Variants in UGT1A7 observed in about 807,000 individuals in gnomAD.
UGT1A7 encodes UDP-glucuronosyltransferase 1A7.
A neutral mutation model predicts 45.6 loss-of-function variants in UGT1A7; 33 were observed. The observed-to-expected ratio is 0.72, with a 90% confidence interval of 0.55 to 0.97. The LOEUF (loss-of-function observed/expected upper bound fraction) is 0.97, where lower values mean the gene tolerates loss of function less well. Among genes scored for constraint, UGT1A7 ranks in the 50% least tolerant of loss-of-function variants. The pLI is 0.00. For missense variants in UGT1A7, 684 were observed against 666.2 expected (o/e 1.03, Z -0.29); for synonymous variants, 274 against 250.6 (o/e 1.09, Z -0.88).
At chr2:233,760,573 G>C (rs1208621089) in intron 1 of UGT1A7, 1 of 1,614,170 alleles carries the variant, frequency 6.2e-7, no homozygotes, top group Non-Finnish European at 8.5e-7. Flanking sequence ...TGTTAGTCTC[G>C]GGCATAATGT....
At chr2:233,745,702 A>T (rs1693179488) in intron 1 of UGT1A7, among the ~76,000 whole-genome samples, 1 of 150,000 alleles carries the variant, frequency 6.7e-6, no homozygotes, top group East Asian at 2.0e-4. Flanking sequence ...GAGAACAACA[A>T]GTGATCCAGA....
At chr2:233,725,539 A>G (rs980471563) in intron 1 of UGT1A7, among the ~76,000 whole-genome samples, 6 of 152,146 alleles carry the variant, frequency 3.9e-5, no homozygotes, top group African/African-American at 1.4e-4. Context: ...CAGACATATC[A>G]CAAATATTAT....
chr2:233,769,790 G>A lies in UGT1A7; in HGVS notation c.1295+1351G>A. On this transcript the variant is annotated intron_variant, in intron 4 of 4. Transcript: ENST00000373426. The surrounding 1 kb of genome is among the most constrained non-coding windows in gnomAD (Gnocchi z 4.4). ...GGATTGCTTGAGCCCAGAAGTTGGA[G>A]GCTGCTATGAGCCGTGATCATGCCA... is the stretch of plus-strand genomic sequence containing the variant. 7.7e-7 allele frequency: 1 copy of A among 1,301,106 alleles called. No individual in the cohort carries two copies. Among genetic ancestry groups the A allele is most frequent in the Non-Finnish European group, 1.0e-6 (1 of 985,722 alleles). The allele number at this position is 1,301,106 out of a possible 1,614,324, so 80.6% of individuals were successfully genotyped here. A position where few individuals can be genotyped will look rare whatever the true frequency, so the allele number is the denominator to read the frequency against.
intron 1 of UGT1A7, chr2:233,692,193 G>A (rs1481987311): frequency 6.6e-6 from 1 of 152,356 alleles, no homozygotes; most frequent in East Asian, 1.9e-4. Context: ...GGTTGCTGAA[G>A]GTGTGGAGGG....
At chr2:233,715,722 T>C (rs754383024) in intron 1 of UGT1A7, among the ~76,000 whole-genome samples, 5 of 152,106 alleles carry the variant, frequency 3.3e-5, no homozygotes, top group Non-Finnish European at 5.9e-5. Flanking sequence ...CAGTGTGCCA[T>C]GTTCACGCCA....
At chr2:233,742,803 G>T (rs1329943458) in intron 1 of UGT1A7, 1 of 153,428 alleles carries the variant, frequency 6.5e-6, no homozygotes, top group African/African-American at 2.4e-5. Context: ...TAAGCCAGAA[G>T]TATTGATATT....
intron 1 of UGT1A7, among the ~76,000 whole-genome samples, chr2:233,757,306 A>AG (rs1394181032): frequency 1.3e-4 from 1 of 7,676 alleles, no homozygotes. Flanking sequence ...GTTGGGGGAC[A>AG]GGGGGGCTGG....
At chr2:233,729,301 G>A (rs2077833775) in intron 1 of UGT1A7, 3 of 1,614,148 alleles carry the variant, frequency 1.9e-6, no homozygotes, top group East Asian at 2.2e-5. Flanking sequence ...CCACCAGGCA[G>A]TGGTCCTCAC....
At chr2:233,722,579 C>T (rs1172017514) in intron 1 of UGT1A7, among the ~76,000 whole-genome samples, 1 of 152,116 alleles carries the variant, frequency 6.6e-6, no homozygotes, top group Non-Finnish European at 1.5e-5. Context: ...TTTGCAACTT[C>T]GTTAGAGGAC....
chr2:233,755,331 G>A (rs568550751), intron 1 of UGT1A7: 25 of 462,098 alleles, frequency 5.4e-5, no homozygotes, highest in Admixed American at 1.1e-4. Flanking sequence ...GCCAGCACCC[G>A]CGCACAGGTC....
chr2:233,707,958 C>T (rs1010102150), intron 1 of UGT1A7, among the ~76,000 whole-genome samples: 9 of 152,110 alleles, frequency 5.9e-5, no homozygotes, highest in Admixed American at 2.6e-4. Flanking sequence ...CCTCTTTTGC[C>T]CATTCAAGTC....
intron 4 of UGT1A7, chr2:233,770,251 G>A (rs1382246266): frequency 6.6e-6 from 1 of 152,150 alleles, no homozygotes; most frequent in Non-Finnish European, 1.5e-5. Flanking sequence ...CCAACACTCT[G>A]AGCTGGGGAT....
chr2:233,718,916 G>C, intron 1 of UGT1A7: 1 of 1,614,098 alleles, frequency 6.2e-7, no homozygotes. Context: ...GAAAGGTGTT[G>C]GTGGTGCCCA....
At chr2:233,699,749 C>G (rs1408864122) in intron 1 of UGT1A7, among the ~76,000 whole-genome samples, 1 of 152,124 alleles carries the variant, frequency 6.6e-6, no homozygotes, top group Non-Finnish European at 1.5e-5. Context: ...AAAACTAGAC[C>G]CCAGTTCCTC....
At chr2:233,684,059 G>A (rs1039720910) in intron 1 of UGT1A7, among the ~76,000 whole-genome samples, 1 of 152,114 alleles carries the variant, frequency 6.6e-6, no homozygotes, top group African/African-American at 2.4e-5. Flanking sequence ...CCTGGTGTCT[G>A]ATCTAAGTAT....
rs563709972 is a variant in UGT1A7, at chr2:233,755,474, T to C, written c.856-11560T>C. On this transcript the variant is annotated intron_variant, in intron 1 of 4. Coordinates refer to ENST00000373426, the MANE Select transcript of UGT1A7 (RefSeq NM_019077.3). ...GGACTGGCCCTGCTCTCTGTGAGGCTCTGTGAGGCCCTGTGATGCTCCAAG... is the reference window on the plus strand; with the variant it reads ...GGACTGGCCCTGCTCTCTGTGAGGCCCTGTGAGGCCCTGTGATGCTCCAAG... 5.5e-5 allele frequency: 13 copies of C among 237,114 alleles called. 1 individual carries two copies. The South Asian group carries it at 7.1e-4, about 13-fold the overall frequency. The allele number at this position is 237,114 out of a possible 1,614,324, so 14.7% of individuals were successfully genotyped here.
chr2:233,729,914 T>C (rs774517230), intron 1 of UGT1A7: 73 of 1,613,908 alleles, frequency 4.5e-5, no homozygotes, highest in Non-Finnish European at 5.8e-5. Context: ...GACTTTGTGA[T>C]GGACTACCCC....
chr2:233,728,196 A>G (rs1328126266), intron 1 of UGT1A7, among the ~76,000 whole-genome samples: 1 of 152,202 alleles, frequency 6.6e-6, no homozygotes, highest in East Asian at 1.9e-4. Flanking sequence ...TTGGTGCTGG[A>G]TTGACTTGGA....
At chr2:233,735,935 C>T (rs1483779972) in intron 1 of UGT1A7, among the ~76,000 whole-genome samples, 1 of 151,986 alleles carries the variant, frequency 6.6e-6, no homozygotes, top group Non-Finnish European at 1.5e-5. Context: ...CTGTGGCTGC[C>T]CTTAACATTT....
Sources: allele counts gnomAD v4.1 joint callset (sites outside exome capture counted in the v4.1 genomes callset), GRCh38; gene constraint gnomAD v4.1.1; non-coding constraint Gnocchi (gnomAD v3.1); transcripts MANE v1.5; gene names NCBI Gene and HGNC (gene_info 2026-07-23, HGNC 2026-07-21).